The following GRM8 variants were observed in gnomAD, a reference collection of about 807,000 sequenced individuals.
GRM8 encodes metabotropic glutamate receptor 8.
A neutral mutation model predicts 87.2 loss-of-function variants in GRM8; 47 were observed. The ratio of observed to expected loss-of-function variants is 0.54; its 90% CI spans 0.43 to 0.69. The LOEUF (loss-of-function observed/expected upper bound fraction) is 0.69. Among genes scored for constraint, GRM8 ranks in the 30% least tolerant of loss-of-function variants. The pLI, the probability that GRM8 is intolerant of heterozygous loss-of-function variation, is 0.00. For missense variants in GRM8, 1,019 were observed against 1,139.2 expected, an observed-to-expected ratio of 0.89 and a Z score of 1.52; for synonymous variants, 396 against 404.5, an observed-to-expected ratio of 0.98 and a Z score of 0.25.
chr7:127,041,462 C>G (rs998979579), intron 3 of GRM8, among the ~76,000 whole-genome samples: 2 of 152,176 alleles, frequency 1.3e-5, no homozygotes, highest in Admixed American at 6.5e-5. Context: ...TTAATTCATT[C>G]ATTTAGAGCC....
At chr7:126,800,216 C>T (rs942730267) in intron 6 of GRM8, among the ~76,000 whole-genome samples, 1 of 151,972 alleles carries the variant, frequency 6.6e-6, no homozygotes, top group South Asian at 2.1e-4. Context: ...ACAAGCTCTA[C>T]GAATCTCATC....
At chr7:126,479,490 T>C (rs1388743776) in intron 9 of GRM8, among the ~76,000 whole-genome samples, 2 of 152,128 alleles carry the variant, frequency 1.3e-5, no homozygotes, top group African/African-American at 4.8e-5. Flanking sequence ...AATCTTGTGA[T>C]TGCCTTCTTT....
chr7:126,654,831 T>G (rs1396788130), intron 7 of GRM8, among the ~76,000 whole-genome samples: 1 of 152,192 alleles, frequency 6.6e-6, no homozygotes, highest in African/African-American at 2.4e-5. Flanking sequence ...AAAAGTTTTA[T>G]AGGTATTTAA....
chr7:126,976,239 A>G (rs926415335), intron 3 of GRM8, among the ~76,000 whole-genome samples: 8 of 152,242 alleles, frequency 5.3e-5, no homozygotes, highest in African/African-American at 1.9e-4. Context: ...AAGCTTTATC[A>G]TAATACTCTT....
intron 3 of GRM8, among the ~76,000 whole-genome samples, chr7:127,003,346 T>G (rs1813914815): frequency 6.6e-6 from 1 of 151,722 alleles, no homozygotes; most frequent in Admixed American, 6.6e-5. Flanking sequence ...TCCTAGAGAA[T>G]GGTGACAAGG....
intron 9 of GRM8, among the ~76,000 whole-genome samples, chr7:126,471,535 C>G (rs371092423): frequency 2.6e-4 from 39 of 152,014 alleles, no homozygotes; most frequent in African/African-American, 6.8e-4. Context: ...GCTCTGTTCT[C>G]TTCCATTGAT....
intron 8 of GRM8, among the ~76,000 whole-genome samples, chr7:126,595,331 C>T (rs541759070): frequency 1.3e-3 from 190 of 151,852 alleles, no homozygotes; most frequent in African/African-American, 4.4e-3. Flanking sequence ...TCCCCAGTAG[C>T]TGGGACTACA....
At chr7:126,611,542 TTTCA>T (rs1798913490) in intron 7 of GRM8, among the ~76,000 whole-genome samples, 1 of 152,226 alleles carries the variant, frequency 6.6e-6, no homozygotes, top group Non-Finnish European at 1.5e-5. Context: ...ATGTTGAGAA[TTTCA>T]CATTAACATG....
intron 7 of GRM8, among the ~76,000 whole-genome samples, chr7:126,759,730 A>T (rs1665164084): frequency 6.6e-6 from 1 of 152,116 alleles, no homozygotes; most frequent in Non-Finnish European, 1.5e-5. Flanking sequence ...TCATCTCATC[A>T]TTTTTGTAAG....
At chr7:127,184,086 T>G (rs1272110116) in intron 2 of GRM8, among the ~76,000 whole-genome samples, 1 of 151,452 alleles carries the variant, frequency 6.6e-6, no homozygotes, top group Non-Finnish European at 1.5e-5. Context: ...TACCAAAAAT[T>G]TAAGGAAAAA....
At chr7:126,933,106 C>A (rs1805934502) in intron 3 of GRM8, among the ~76,000 whole-genome samples, 1 of 152,118 alleles carries the variant, frequency 6.6e-6, no homozygotes, top group Non-Finnish European at 1.5e-5. Context: ...CTAGAAAGAC[C>A]CATCCTCTCA....
chr7:126,899,104 A>AGTGTGTGTGTGTGTGTGTGTGTGT (rs71177573), intron 6 of GRM8, among the ~76,000 whole-genome samples: 147 of 140,372 alleles, frequency 1.0e-3, no homozygotes, highest in African/African-American at 3.2e-3. Flanking sequence ...ACTGGTTAAC[A>AGTGTGTGTGTGTGTGTGTGTGTGT]GTGTGTGTGT....
intron 6 of GRM8, among the ~76,000 whole-genome samples, chr7:126,893,063 T>C (rs2022072): frequency 0.33 from 50,242 of 151,926 alleles, 8,300 homozygotes; most frequent in Middle Eastern, 0.36. Context: ...ACATTTTCCA[T>C]TATGTACTCC....
intron 6 of GRM8, among the ~76,000 whole-genome samples, chr7:126,848,059 G>A (rs971542535): frequency 2.0e-5 from 3 of 152,216 alleles, no homozygotes; most frequent in Non-Finnish European, 4.4e-5. Context: ...GAGAACTAGT[G>A]TGATGATAGG....
At chr7:126,826,189 A>C (rs1794775075) in intron 6 of GRM8, among the ~76,000 whole-genome samples, 1 of 152,070 alleles carries the variant, frequency 6.6e-6, no homozygotes, top group African/African-American at 2.4e-5. Context: ...ATACGTGTGC[A>C]TGTGTCTTTA....
chr7:126,636,021 G>C (rs955377897), intron 7 of GRM8, among the ~76,000 whole-genome samples: 1 of 151,954 alleles, frequency 6.6e-6, no homozygotes, highest in Non-Finnish European at 1.5e-5. Context: ...CAATTCATAA[G>C]GGGATGTTTT....
intron 3 of GRM8, among the ~76,000 whole-genome samples, chr7:127,081,951 C>T (rs1822916569): frequency 1.3e-5 from 2 of 152,078 alleles, no homozygotes; most frequent in Admixed American, 1.3e-4. Context: ...AGGAAAAGGC[C>T]TTGGACTTGG....
chr7:126,706,256 C>T (rs1026650290), intron 7 of GRM8, among the ~76,000 whole-genome samples: 1 of 152,036 alleles, frequency 6.6e-6, no homozygotes, highest in African/African-American at 2.4e-5. Flanking sequence ...ATAATAAATA[C>T]AATTTGATAT....
intron 2 of GRM8, among the ~76,000 whole-genome samples, chr7:127,205,663 T>C (rs1587272345): frequency 6.6e-6 from 1 of 152,186 alleles, no homozygotes; most frequent in East Asian, 1.9e-4. Context: ...TCACCTGGGG[T>C]CTATGGCAGG....
Sources: gnomAD v4.1 joint callset for allele counts (sites outside exome capture counted in the v4.1 genomes callset) on GRCh38, gnomAD v4.1.1 for gene constraint, MANE v1.5 for transcripts, NCBI Gene and HGNC (gene_info 2026-07-23, HGNC 2026-07-21) for gene names.